The following ABCA9 variants were observed in gnomAD, a reference collection of about 807,000 sequenced individuals.
The protein encoded by ABCA9 is ATP-binding cassette sub-family A member 9.
A neutral mutation model predicts 205.3 loss-of-function variants in ABCA9; 183 were observed. The observed-to-expected ratio is 0.89, with a 90% confidence interval of 0.79 to 1.01. ABCA9 has a LOEUF of 1.01. Ranked by LOEUF, ABCA9 falls within the 50% of genes least tolerant of loss-of-function variation. The pLI is 0.00. For synonymous variants in ABCA9, 651 were observed against 683.3 expected, an observed-to-expected ratio of 0.95 and a Z score of 0.74; for missense variants, 1,805 against 1,912.4, an observed-to-expected ratio of 0.94 and a Z score of 1.05.
intron 37 of ABCA9, among the ~76,000 whole-genome samples, 190 bp from the exon 38 acceptor site, chr17:68,976,380 A>G (rs377482274): frequency 6.6e-6 from 1 of 152,206 alleles, no homozygotes; most frequent in Non-Finnish European, 1.5e-5. Flanking sequence ...CCTTTCATCT[A>G]GAGTATTGGT....
chr17:68,984,142 C>T lies in ABCA9; in HGVS notation c.4413G>A (p.Glu1471=). The T allele has an allele frequency of 6.2e-7, 1 of 1,614,188 alleles. No individual in the cohort carries two copies. The highest frequency in any genetic ancestry group is 8.5e-7 in the Non-Finnish European group (1 of 1,180,026). ...AGTGGGTGGTCAGGAGGGCGCCCCT[C>T]TCCGTGTTTCTAAAGGTGGCCCGAA... ...QVIRATFRNT[E]RGALLTTHYM... is the part of the protein sequence containing the mutation. The change falls in exon 35 of 39, where the codon GAG becomes GAA. Residue 1471 remains glutamate, a synonymous_variant. Transcript: ENST00000340001.
chr17:68,976,939 G>A, intron 37 of ABCA9, among the ~76,000 whole-genome samples: 1 of 152,172 alleles, frequency 6.6e-6, no homozygotes, highest in East Asian at 1.9e-4. Flanking sequence ...GAGACTGGAA[G>A]GCAAATATTT....
intron 25 of ABCA9, among the ~76,000 whole-genome samples, chr17:68,999,437 C>T (rs570395884): frequency 0.02 from 2,917 of 142,322 alleles, 38 homozygotes; most frequent in Non-Finnish European, 0.033. Context: ...TCATCCATGT[C>T]CCTACAAAGG....
At position 69,060,263 on chromosome 17, in the gene ABCA9, A is replaced by T. The variant is rs148262636; in HGVS notation, c.-14+603T>A. Among the ~76,000 whole-genome samples the T allele has an allele frequency of 2.4e-3, 359 of 152,328 alleles. 2 individuals carry two copies. The highest frequency in any genetic ancestry group is 2.0e-3 in the Non-Finnish European group (135 of 68,032). On this transcript the variant is annotated intron_variant, in intron 1 of 38. Coordinates refer to ENST00000340001, the MANE Select transcript of ABCA9 (RefSeq NM_080283.4). ...ATAGGAAATTGTATAATTTAGAAAT[A>T]ATAAATTGGTTATAAAAAGCCAATC...
In ABCA9 at chr17:69,016,418, G is replaced by C; in HGVS notation, c.2902-28C>G. On this transcript the variant is annotated intron_variant, in intron 21 of 38. Coordinates refer to ENST00000340001, the MANE Select transcript of ABCA9 (RefSeq NM_080283.4). ...GAAATACAACAAGTACCAATTCGAA[G>C]TCTTCATAAAGCAAAGACAAAATTT... 3 of 1,544,976 alleles carry C rather than the reference G, an allele frequency of 1.9e-6. 1 individual carries two copies. The South Asian group carries it at 3.8e-5, about 19-fold the overall frequency.
At chr17:69,065,124 GAC>G (rs1436344357), upstream of ABCA9, among the ~76,000 whole-genome samples, 1 of 151,674 alleles carries the variant, frequency 6.6e-6, no homozygotes, top group Non-Finnish European at 1.5e-5. Context: ...GGAATTTCAT[GAC>G]AGTGTGCTCA....
chr17:69,006,580 AC>A (rs1435126912), intron 25 of ABCA9, among the ~76,000 whole-genome samples: 1 of 152,224 alleles, frequency 6.6e-6, no homozygotes, highest in African/African-American at 2.4e-5. Context: ...AAGTTCAGAA[AC>A]TGGCTACATT....
the ABCA9 span, among the ~76,000 whole-genome samples, chr17:69,073,881 T>C: frequency 6.6e-6 from 1 of 152,044 alleles, no homozygotes; most frequent in African/African-American, 2.4e-5. Flanking sequence ...TTTTTGTAGT[T>C]TGTAGTGATA....
Position 68,990,851 on chromosome 17 carries a change from G to A in ABCA9, c.3823C>T (p.Arg1275Ter), listed in dbSNP as rs943114501. The A allele has an allele frequency of 3.7e-6, 6 of 1,612,600 alleles. No homozygotes were observed. The highest frequency in any genetic ancestry group is 1.3e-5 in the African/African-American group (1 of 74,806). ...RMRTVNAMAV[R>*]DFDETPVIIA... ...CTGAGTTCTACCTCATCAAAGTCTC[G>A]CACAGCCATAGCATTCACTGTTCTC... Residue 1275 changes from arginine to a stop codon, truncating the protein, a stop_gained, in exon 29 of 39, where the codon CGA (arginine) becomes TGA (stop). Coordinates refer to ENST00000340001, the MANE Select transcript of ABCA9 (RefSeq NM_080283.4). LOFTEE classifies it high-confidence loss of function.
chr17:68,984,736 T>C, intron 34 of ABCA9, 149 bp downstream of exon 34: 1 of 1,048,082 alleles, frequency 9.5e-7, no homozygotes, highest in Non-Finnish European at 1.4e-6. Context: ...TAAAAGCTGG[T>C]TGTGATTTGA....
intron 36 of ABCA9, among the ~76,000 whole-genome samples, chr17:68,983,124 G>A (rs1437445276): frequency 6.6e-6 from 1 of 152,178 alleles, no homozygotes; most frequent in Non-Finnish European, 1.5e-5. Context: ...TGATCAACAA[G>A]AAGTCAATCT....
intron 15 of ABCA9, among the ~76,000 whole-genome samples, chr17:69,026,762 G>A (rs2071002127): frequency 6.6e-6 from 1 of 152,184 alleles, no homozygotes; most frequent in Admixed American, 6.5e-5. Flanking sequence ...AGTGTGATAT[G>A]TATTTTACAA....
chr17:69,034,572 A>G (rs1023581710), intron 8 of ABCA9: 11 of 152,180 alleles, frequency 7.2e-5, no homozygotes, highest in African/African-American at 2.7e-4. Flanking sequence ...GATGGACTGT[A>G]ATTTATTTAA....
upstream of ABCA9, among the ~76,000 whole-genome samples, chr17:69,064,349 A>G (rs2072321059): frequency 6.6e-6 from 1 of 152,168 alleles, no homozygotes; most frequent in Admixed American, 6.5e-5. Context: ...ACGTATCAGG[A>G]TCTACATTAC....
In ABCA9 at chr17:68,990,244, C is replaced by T. The variant is rs75311554; in HGVS notation, c.3838-314G>A. Among the ~76,000 whole-genome samples, 151 of 152,302 alleles carry T rather than the reference C, an allele frequency of 9.9e-4. 3 individuals are homozygous for T. The East Asian group carries it at 0.026, about 27-fold the overall frequency. On this transcript the variant is annotated intron_variant, in intron 29 of 38. Transcript: ENST00000340001. ...CACACGCACCGCAGACAAGCTCTCT[C>T]TCAGTGACTTGCAGTAAGCTTCACT... is the stretch of plus-strand genomic sequence containing the variant.
chr17:69,047,256 T>C (rs920838114), intron 3 of ABCA9, among the ~76,000 whole-genome samples: 8 of 150,820 alleles, frequency 5.3e-5, no homozygotes, highest in Admixed American at 2.0e-4. Flanking sequence ...TATACAATAT[T>C]TTAAATGATT....
intron 1 of ABCA9, among the ~76,000 whole-genome samples, chr17:69,054,554 A>G (rs561138041): frequency 4.0e-5 from 6 of 151,610 alleles, no homozygotes; most frequent in Non-Finnish European, 8.8e-5. Context: ...AAGAAAAGAA[A>G]ATTCAGATTT....
intron 23 of ABCA9, among the ~76,000 whole-genome samples, chr17:69,008,944 A>G (rs2070266720): frequency 6.6e-6 from 1 of 152,232 alleles, no homozygotes; most frequent in South Asian, 2.1e-4. Flanking sequence ...TTGAGTCTAT[A>G]TAAGGAGATT....
intron 6 of ABCA9, among the ~76,000 whole-genome samples, chr17:69,039,433 G>A (rs754114686): frequency 3.9e-5 from 6 of 151,932 alleles, no homozygotes; most frequent in Non-Finnish European, 7.4e-5. Context: ...TTTGACAAAC[G>A]TGACAATAAC....
Sources: gnomAD v4.1 joint callset for allele counts (sites outside exome capture counted in the v4.1 genomes callset) on GRCh38, gnomAD v4.1.1 for gene constraint, MANE v1.5 for transcripts, NCBI Gene and HGNC (gene_info 2026-07-23, HGNC 2026-07-21) for gene names.